Variants in RGMA observed in about 807,000 individuals in gnomAD.
The protein encoded by RGMA is repulsive guidance molecule BMP co-receptor a.
In RGMA, 10 loss-of-function variants were observed where a neutral mutation model predicts 23.2. That is an observed-to-expected ratio of 0.43 (90% CI 0.27 to 0.73). The LOEUF (loss-of-function observed/expected upper bound fraction) is 0.73, where lower values mean the gene tolerates loss of function less well. Among genes scored for constraint, RGMA ranks in the 30% least tolerant of loss-of-function variants. RGMA has a pLI of 0.20. For synonymous variants in RGMA, 308 were observed against 279.3 expected (o/e 1.10, Z -1.03); for missense variants, 547 against 630.5 (o/e 0.87, Z 1.42).
chr15:93,045,745 G>C lies in RGMA; in HGVS notation c.646-40C>G. 1 of 1,439,528 alleles carries C rather than the reference G, an allele frequency of 6.9e-7. No individual in the cohort carries two copies. Among genetic ancestry groups the C allele is most frequent in the South Asian group, 1.2e-5 (1 of 86,666 alleles). 89.2% of individuals were successfully genotyped at this position (1,439,528 alleles called of 1,614,324 possible). A position where few individuals can be genotyped will look rare whatever the true frequency, so the allele number is the denominator to read the frequency against. On this transcript the variant is annotated intron_variant, in intron 3 of 3. Coordinates refer to ENST00000329082, the MANE Select transcript of RGMA (RefSeq NM_020211.3). This position sits in a 1 kb window ranked among gnomAD's most constrained non-coding sequence, Gnocchi z 6.9. ...GGCAGAGGAGAGTGGGTGAGGCACA[G>C]TGGGAGGAGGCACAGCCCCACACTT... is the stretch of plus-strand genomic sequence containing the variant.
chr15:93,060,473 G>A (rs147692416), intron 2 of RGMA, among the ~76,000 whole-genome samples: 86 of 152,326 alleles, frequency 5.6e-4, no homozygotes, highest in African/African-American at 1.8e-3. Flanking sequence ...CCCATGGGGT[G>A]AGGGACTCAG....
chr15:93,083,568 G>A (rs1017808588), intron 1 of RGMA, among the ~76,000 whole-genome samples: 3 of 152,132 alleles, frequency 2.0e-5, no homozygotes, highest in Non-Finnish European at 2.9e-5. Flanking sequence ...AGATGAAGCA[G>A]TTAGCCAACC....
At chr15:93,050,472 C>T (rs2054899448) in intron 3 of RGMA, among the ~76,000 whole-genome samples, 1 of 152,212 alleles carries the variant, frequency 6.6e-6, no homozygotes, top group Non-Finnish European at 1.5e-5. Flanking sequence ...AGCTCTCAGC[C>T]TGCTGAGATC....
chr15:93,045,504 C>G lies in RGMA; in HGVS notation c.847G>C (p.Val283Leu), dbSNP rs1396814743. ...QAKYIGTTIV[V>L]RQVGRYLTFA... ...GTCAGGTAGCGGCCCACCTGGCGCA[C>G]CACGATGGTGGTGCCGATGTACTTG... The change falls in exon 4 of 4, where the codon GTG (valine) becomes CTG (leucine). Residue 283 changes from valine (V) to leucine (L), a missense_variant. Val to Leu is a conservative substitution (Grantham distance 32, BLOSUM62 1). This residue lies in a region of RGMA where 128 missense variants were observed against 191.7 expected (regional missense o/e 0.67). Coordinates refer to ENST00000329082, the MANE Select transcript of RGMA (RefSeq NM_020211.3). This position sits in a 1 kb window ranked among gnomAD's most constrained non-coding sequence, Gnocchi z 6.9. 1 of 1,613,316 alleles carries G rather than the reference C, an allele frequency of 6.2e-7. No individual in the cohort carries two copies. Among genetic ancestry groups the G allele is most frequent in the South Asian group, 1.1e-5 (1 of 91,080 alleles).
At chr15:93,050,054 CA>C (rs1567180625) in intron 3 of RGMA, among the ~76,000 whole-genome samples, 1 of 152,226 alleles carries the variant, frequency 6.6e-6, no homozygotes, top group Non-Finnish European at 1.5e-5. Context: ...CGCTGTGCTT[CA>C]GGGGCGAGCT....
chr15:93,055,189 G>C (rs747064328), intron 2 of RGMA, among the ~76,000 whole-genome samples: 3 of 152,154 alleles, frequency 2.0e-5, no homozygotes, highest in Non-Finnish European at 2.9e-5. Flanking sequence ...TCCTGTTAAT[G>C]GATGGCCACG....
intron 1 of RGMA, among the ~76,000 whole-genome samples, chr15:93,075,309 T>C (rs547633082): frequency 6.6e-6 from 1 of 152,342 alleles, no homozygotes; most frequent in South Asian, 2.1e-4. Flanking sequence ...TTTTAAGTAT[T>C]GTTAATATAA....
At chr15:93,065,736 G>T in intron 2 of RGMA, 1 of 1,192,956 alleles carries the variant, frequency 8.4e-7, no homozygotes. Flanking sequence ...GACCATCAGC[G>T]GGACCGTGGC....
intron 1 of RGMA, among the ~76,000 whole-genome samples, chr15:93,084,174 C>T (rs143418808): frequency 1.3e-3 from 203 of 152,274 alleles, no homozygotes; most frequent in Non-Finnish European, 2.3e-3. Context: ...GAGAGAGTTC[C>T]GTGGCTATGT....
At chr15:93,061,074 C>A (rs75042684) in intron 2 of RGMA, among the ~76,000 whole-genome samples, 8,661 of 152,320 alleles carry the variant, frequency 0.057, 348 homozygotes, top group Middle Eastern at 0.095. Context: ...GCGGCCTCTT[C>A]CCCACTTGCA....
intron 2 of RGMA, among the ~76,000 whole-genome samples, chr15:93,064,595 G>A (rs1026359263): frequency 6.6e-6 from 1 of 152,248 alleles, no homozygotes; most frequent in African/African-American, 2.4e-5. Flanking sequence ...CTGTGTTCAT[G>A]TGGCATTTCT....
At chr15:93,057,627 A>G (rs1403963397) in intron 2 of RGMA, among the ~76,000 whole-genome samples, 1 of 152,172 alleles carries the variant, frequency 6.6e-6, no homozygotes, top group Non-Finnish European at 1.5e-5. Flanking sequence ...AGAGACAGTC[A>G]TAGAGGGAAA....
chr15:93,073,141 C>G (rs1391027527), intron 1 of RGMA, 110 bp from the exon 2 acceptor site: 1 of 1,248,366 alleles, frequency 8.0e-7, no homozygotes, highest in African/African-American at 1.6e-5. Context: ...CCACCTCGGC[C>G]GCGGGCGCCC....
At chr15:93,083,076 G>A (rs558294768) in intron 1 of RGMA, among the ~76,000 whole-genome samples, 3 of 152,186 alleles carry the variant, frequency 2.0e-5, no homozygotes, top group Non-Finnish European at 4.4e-5. Context: ...AGGCTCAGAG[G>A]GCCAGTATGT....
chr15:93,053,832 C>T (rs1299200017), intron 2 of RGMA, among the ~76,000 whole-genome samples: 1 of 152,164 alleles, frequency 6.6e-6, no homozygotes, highest in Non-Finnish European at 1.5e-5. Flanking sequence ...TTCACGTGAC[C>T]CGTTTGCCAT....
intron 1 of RGMA, among the ~76,000 whole-genome samples, chr15:93,079,879 G>A (rs1895530086): frequency 6.6e-6 from 1 of 152,136 alleles, no homozygotes; most frequent in South Asian, 2.1e-4. Context: ...GGTACAGGGT[G>A]CATGCCTGTG....
chr15:93,046,853 C>G (rs931925434), intron 3 of RGMA, among the ~76,000 whole-genome samples: 2 of 150,316 alleles, frequency 1.3e-5, no homozygotes, highest in Non-Finnish European at 3.0e-5. Flanking sequence ...AGCCTGTGGC[C>G]AGGGGTGAGG....
In RGMA at chr15:93,038,668, G is replaced by A. The variant is rs978139008; in HGVS notation, c.*6330C>T. On this transcript the variant is annotated 3_prime_UTR_variant, in exon 4 of 4. Coordinates refer to ENST00000329082, the MANE Select transcript of RGMA (RefSeq NM_020211.3). ...CTGCTTGCTGCAAGTTCTGCCTCCC[G>A]GGTTCACGCCACTCTCTTGCCTCAG... 1 of 148,992 alleles carries A rather than the reference G, an allele frequency of 6.7e-6. No homozygotes were observed. The highest frequency in any genetic ancestry group is 1.5e-5 in the Non-Finnish European group (1 of 67,612). The allele number at this position is 148,992 out of a possible 1,614,324, so 9.2% of individuals were successfully genotyped here.
At chr15:93,078,790 T>G (rs980566660) in intron 1 of RGMA, among the ~76,000 whole-genome samples, 1 of 152,248 alleles carries the variant, frequency 6.6e-6, no homozygotes, top group Non-Finnish European at 1.5e-5. Context: ...TTTCGCTTGT[T>G]TTCCAATATC....
Sources: allele counts gnomAD v4.1 joint callset (sites outside exome capture counted in the v4.1 genomes callset), GRCh38; gene constraint gnomAD v4.1.1; regional missense constraint gnomAD v4.1.1; non-coding constraint Gnocchi (gnomAD v3.1); transcripts MANE v1.5; gene names NCBI Gene and HGNC (gene_info 2026-07-23, HGNC 2026-07-21).